Variants in SDE2 observed in about 807,000 individuals in gnomAD.
SDE2 encodes the protein spliceosome associated SDE2.
In SDE2, 31 loss-of-function variants were observed where a neutral mutation model predicts 46.9. The observed-to-expected ratio is 0.66, with a 90% CI of 0.50 to 0.89. The LOEUF is 0.89. Ranked by LOEUF, SDE2 falls within the 40% of genes least tolerant of loss-of-function variation. SDE2 has a pLI of 0.00. For synonymous variants in SDE2, 205 were observed against 204.3 expected (o/e 1.00, Z -0.03); for missense variants, 542 against 564.4 (o/e 0.96, Z 0.40).
At position 225,985,211 on chromosome 1, in the gene SDE2, A is replaced by C; in HGVS notation, c.*91T>G. 1 of 982,318 alleles carries C rather than the reference A, an allele frequency of 1.0e-6. No individual in the cohort carries two copies. The highest frequency in any genetic ancestry group is 1.6e-6 in the Non-Finnish European group (1 of 632,776). The allele number at this position is 982,318 out of a possible 1,614,324, so 60.9% of individuals were successfully genotyped here. A position where few individuals can be genotyped will look rare whatever the true frequency, so the allele number is the denominator to read the frequency against. The stretch of plus-strand genomic sequence containing the variant: ...TTGGGTTACTAAAAAGTTAGCTTTT[A>C]ATATCAACAGGAATACTGGTCAAGA... On this transcript the variant is annotated 3_prime_UTR_variant, in exon 7 of 7. Transcript: ENST00000272091.
rs1576176160 is a variant in SDE2 at position 225,992,764 on chromosome 1, C to T, written c.350+127G>A. ...TATTAAATTATGGAAAAGGTTAAAT[C>T]TGATAATAAATTTGGATGTAAATAT... On this transcript the variant is annotated intron_variant, in intron 3 of 6. Coordinates refer to ENST00000272091, the MANE Select transcript of SDE2 (RefSeq NM_152608.4). 3 of 688,118 alleles carry T rather than the reference C, an allele frequency of 4.4e-6. No individual in the cohort carries two copies. In the East Asian group the frequency reaches 8.2e-5, roughly 19 times the overall value. 42.6% of individuals were successfully genotyped at this position (688,118 alleles called of 1,614,324 possible). A position where few individuals can be genotyped will look rare whatever the true frequency, so the allele number is the denominator to read the frequency against.
chr1:225,999,261 T>A lies in SDE2; in HGVS notation c.52A>T (p.Lys18Ter). The change falls in exon 1 of 7, where the codon AAG becomes TAG. Residue 18 changes from lysine to a stop codon, truncating the protein, a stop_gained. Transcript: ENST00000272091. LOFTEE classifies it high-confidence loss of function. The part of the protein sequence containing the change: ...VWIRGPGFGC[K>*]AVRCASGRCT... ...CGACCCGAGGCACACCGCACCGCCT[T>A]GCACCCGAAGCCAGGGCCGCGAATC... is the stretch of plus-strand genomic sequence containing the variant. 1 of 1,613,304 alleles carries A rather than the reference T, an allele frequency of 6.2e-7. No homozygotes were observed. The highest frequency in any genetic ancestry group is 8.5e-7 in the Non-Finnish European group (1 of 1,179,810).
intron 2 of SDE2, among the ~76,000 whole-genome samples, chr1:225,994,625 TA>T (rs1438809840): frequency 6.6e-6 from 1 of 152,254 alleles, no homozygotes; most frequent in African/African-American, 2.4e-5. Context: ...AAGGTAACTT[TA>T]GACTTCCTTT....
chr1:225,985,684 C>T lies in SDE2; in HGVS notation c.1135-161G>A, dbSNP rs553591686. On this transcript the variant is annotated intron_variant, in intron 6 of 6. Transcript: ENST00000272091. ...ATCCACATGTTATTCCATAAGTATT[C>T]TCAACACACATAATAACTAATTTTT... Among the ~76,000 whole-genome samples, 9 of 152,292 alleles carry T rather than the reference C, an allele frequency of 5.9e-5. 1 individual carries two copies. The South Asian group carries it at 1.9e-3, about 32-fold the overall frequency.
chr1:225,989,623 T>C lies in SDE2; in HGVS notation c.642-1235A>G, dbSNP rs183187153. Among the ~76,000 whole-genome samples the C allele has an allele frequency of 8.3e-4, 123 of 148,750 alleles. 1 individual carries two copies. The highest frequency in any genetic ancestry group is 2.9e-3 in the African/African-American group (116 of 40,512). ...CAGCTTGGGCGACAGAGCAAGATTC[T>C]GTCTCAAAAAAAAAAAAAAAAGAAG... On this transcript the variant is annotated intron_variant, in intron 5 of 6. Transcript: ENST00000272091.
intron 6 of SDE2, among the ~76,000 whole-genome samples, chr1:225,987,587 A>T (rs771533596): frequency 5.9e-5 from 9 of 152,186 alleles, no homozygotes; most frequent in Non-Finnish European, 1.3e-4. Flanking sequence ...TACTAAGAAT[A>T]AACAATACCA....
chr1:225,992,334 G>T, intron 4 of SDE2, 64 bp downstream of exon 4: 1 of 1,205,646 alleles, frequency 8.3e-7, no homozygotes, highest in Admixed American at 1.8e-5. Context: ...GCGTAGTGTA[G>T]AGCAGTCTGA....
intron 4 of SDE2, 30 bp from the exon 5 acceptor site, chr1:225,991,393 T>C (rs1319467475): frequency 1.9e-6 from 3 of 1,586,212 alleles, no homozygotes; most frequent in Non-Finnish European, 2.6e-6. Flanking sequence ...ACTCAGTTTC[T>C]ACTATAGGGA....
rs1275642431 is a variant in SDE2 at position 225,992,455 on chromosome 1, C to T, written c.463G>A (p.Asp155Asn). The change falls in exon 4 of 7, where the codon GAC becomes AAC. Residue 155 changes from aspartate (D) to asparagine (N), a missense_variant. Transcript: ENST00000272091. ...ATCTCATGGCACTGCTGCTGGTAGT[C>T]GGGGCTGGTGAAGCAGTGCTTGGGT... is the stretch of plus-strand genomic sequence containing the variant. ...VEPKHCFTSP[D>N]YQQQCHEMAE... is the part of the protein sequence containing the mutation. 5 of 1,613,566 alleles carry T rather than the reference C, an allele frequency of 3.1e-6. No homozygotes were observed. Among genetic ancestry groups the T allele is most frequent in the African/African-American group, 1.3e-5 (1 of 74,902 alleles).
chr1:225,986,335 TA>T (rs937266609), intron 6 of SDE2, among the ~76,000 whole-genome samples: 625 of 136,008 alleles, frequency 4.6e-3, no homozygotes, highest in Admixed American at 4.9e-3. Context: ...ACTCTGTCAT[TA>T]AAAAAAAAAA....
In SDE2 at chr1:225,989,637, A is replaced by G. The variant is rs1393790916; in HGVS notation, c.642-1249T>C. 2.6e-5 allele frequency among the ~76,000 whole-genome samples: 4 copies of G among 151,998 alleles called. No homozygotes were observed. In the East Asian group the frequency reaches 7.7e-4, roughly 29 times the overall value. ...GAGCAAGATTCTGTCTCAAAAAAAA[A>G]AAAAAAAGAAGGAAAATTATTCGGT... On this transcript the variant is annotated intron_variant, in intron 5 of 6. Coordinates refer to ENST00000272091, the MANE Select transcript of SDE2 (RefSeq NM_152608.4).
Position 225,995,306 on chromosome 1 carries a change from A to G in SDE2, c.198T>C (p.Ala66=). 1 of 1,612,542 alleles carries G rather than the reference A, an allele frequency of 6.2e-7. No homozygotes were observed. ...INTSDTVQHG[A]VYSLEPRLCG... ...AAAGTCTGGGTTCCAAACTATAAACAGCTCCATGCTGCACTGTGTCACTGG... is the reference window on the plus strand; with the variant it reads ...AAAGTCTGGGTTCCAAACTATAAACGGCTCCATGCTGCACTGTGTCACTGG... The change falls in exon 2 of 7, where the codon GCT becomes GCC. Residue 66 remains alanine, a synonymous_variant. Transcript: ENST00000272091.
chr1:225,992,315 G>C, intron 4 of SDE2, 83 bp downstream of exon 4: 1 of 943,330 alleles, frequency 1.1e-6, no homozygotes, highest in East Asian at 2.5e-5. Flanking sequence ...CTTAAGAACT[G>C]CTCTTTGTGC....
In SDE2 at chr1:225,991,302, T is replaced by C. The variant is rs2102703757; in HGVS notation, c.582A>G (p.Gln194=). 1.2e-6 allele frequency: 2 copies of C among 1,613,828 alleles called. No homozygotes were observed. Among genetic ancestry groups the C allele is most frequent in the Non-Finnish European group, 1.7e-6 (2 of 1,179,708 alleles). The change falls in exon 5 of 7, where the codon CAA becomes CAG. Residue 194 remains glutamine (Q), a synonymous_variant. Transcript: ENST00000272091. ...TGTCTGTTTGAGATTTAGTAGGCCATTGCCGTTTCCGATTCTCACTGATTT... is the reference window on the plus strand; with the variant it reads ...TGTCTGTTTGAGATTTAGTAGGCCACTGCCGTTTCCGATTCTCACTGATTT... The part of the protein sequence containing the change: ...SAEISENRKR[Q]WPTKSQTDRG...
chr1:225,994,984 C>A (rs970073649), intron 2 of SDE2, among the ~76,000 whole-genome samples: 7 of 152,078 alleles, frequency 4.6e-5, no homozygotes, highest in African/African-American at 1.7e-4. Context: ...GTCAAAGCTG[C>A]AGTGAGCCGT....
intron 2 of SDE2, among the ~76,000 whole-genome samples, chr1:225,993,404 G>T (rs911527527): frequency 1.3e-5 from 2 of 152,148 alleles, no homozygotes; most frequent in Non-Finnish European, 2.9e-5. Context: ...GAGGTCAGGA[G>T]ATCAAGACCA....
intron 1 of SDE2, among the ~76,000 whole-genome samples, chr1:225,995,642 C>T (rs1656505708): frequency 6.6e-6 from 1 of 152,146 alleles, no homozygotes; most frequent in African/African-American, 2.4e-5. Context: ...AAAACTGCTT[C>T]TTCTTCTCTG....
chr1:225,993,007 G>C lies in SDE2; in HGVS notation c.239-5C>G. 1 of 1,537,924 alleles carries C rather than the reference G, an allele frequency of 6.5e-7. No individual in the cohort carries two copies. Among genetic ancestry groups the C allele is most frequent in the South Asian group, 1.1e-5 (1 of 88,622 alleles). ...CTCGGAGCATAGATCCAAAACCTGA[G>C]CAGATGTATTTGGAGAAAGCAGGTT... On this transcript the variant is annotated splice_region_variant and splice_polypyrimidine_tract_variant and intron_variant, in intron 2 of 6. Coordinates refer to ENST00000272091, the MANE Select transcript of SDE2 (RefSeq NM_152608.4).
intron 2 of SDE2, among the ~76,000 whole-genome samples, chr1:225,994,163 A>G (rs962192266): frequency 1.3e-5 from 2 of 149,952 alleles, no homozygotes; most frequent in Non-Finnish European, 1.5e-5. Context: ...TGCAGCCTCC[A>G]CCTCCAAGGT....
Sources: allele counts gnomAD v4.1 joint callset (sites outside exome capture counted in the v4.1 genomes callset), GRCh38; gene constraint gnomAD v4.1.1; transcripts MANE v1.5; gene names NCBI Gene and HGNC (gene_info 2026-07-23, HGNC 2026-07-21).